PLXNA4: variants seen among roughly 807,000 people sequenced by gnomAD.
The protein encoded by PLXNA4 is plexin A4, also known as plexin-A4.
Under a neutral mutation model 191.8 loss-of-function variants are expected in PLXNA4, and 44 were observed. That is an observed-to-expected ratio of 0.23 (90% CI 0.18 to 0.29). The LOEUF is 0.29. Ranked by LOEUF, PLXNA4 falls within the 10% of genes least tolerant of loss-of-function variation. The pLI is 1.00. For missense variants in PLXNA4, 1,800 were observed against 2,488.8 expected, an observed-to-expected ratio of 0.72 and a Z score of 5.89; for synonymous variants, 1,082 against 1,009.5, an observed-to-expected ratio of 1.07 and a Z score of -1.36.
At chr7:132,472,337 T>C (rs1159155203) in intron 3 of PLXNA4, among the ~76,000 whole-genome samples, 8 of 152,240 alleles carry the variant, frequency 5.3e-5, no homozygotes, top group African/African-American at 1.9e-4. Flanking sequence ...CTCTGGTCAG[T>C]TGCACAAGAG....
Position 132,599,813 on chromosome 7 carries a change from T to G in PLXNA4, c.-87+46115A>C, listed in dbSNP as rs549831767. 1.1e-4 allele frequency among the ~76,000 whole-genome samples: 16 copies of G among 152,282 alleles called. No homozygotes were observed. In the South Asian group the frequency reaches 3.3e-3, roughly 32 times the overall value. On this transcript the variant is annotated intron_variant, in intron 2 of 4. Transcript: ENST00000378539. ...AATTTTTTTCAATAAAGATAATGTT[T>G]ACTTTTTCTTTTTTGGTGTATTTTT...
At chr7:132,550,900 C>T (rs1046692771) in intron 1 of PLXNA4, among the ~76,000 whole-genome samples, 6 of 152,220 alleles carry the variant, frequency 3.9e-5, no homozygotes, top group South Asian at 2.1e-4. Flanking sequence ...GTCCCATAGA[C>T]ACTTCAAACC....
intron 3 of PLXNA4, among the ~76,000 whole-genome samples, chr7:132,320,502 G>A (rs1308586070): frequency 6.6e-6 from 1 of 152,208 alleles, no homozygotes; most frequent in Admixed American, 6.5e-5. Flanking sequence ...ACATGCACAA[G>A]TATCAGAAGT....
In PLXNA4 at chr7:132,194,726, T is replaced by C. The variant is rs185182224; in HGVS notation, c.2739-547A>G. Among the ~76,000 whole-genome samples, 4 of 152,302 alleles carry C rather than the reference T, an allele frequency of 2.6e-5. No homozygotes were observed. The East Asian group carries it at 7.7e-4, about 29-fold the overall frequency. On this transcript the variant is annotated intron_variant, in intron 13 of 31. Transcript: ENST00000321063. Reference sequence around the variant, plus strand: ...GTGTGTGTGTATGTGTGTGTATGCGTGTGTGAACTTTTTCCTTTCTAAAAA... The same window carrying C: ...GTGTGTGTGTATGTGTGTGTATGCGCGTGTGAACTTTTTCCTTTCTAAAAA...
At chr7:132,483,231 C>T (rs751601879) in intron 3 of PLXNA4, among the ~76,000 whole-genome samples, 3 of 152,148 alleles carry the variant, frequency 2.0e-5, no homozygotes, top group Admixed American at 6.6e-5. Context: ...TAGCAATTGC[C>T]GGTAACAAAG....
chr7:132,236,777 A>T (rs1411367568), intron 5 of PLXNA4, among the ~76,000 whole-genome samples: 1 of 152,152 alleles, frequency 6.6e-6, no homozygotes, highest in Non-Finnish European at 1.5e-5. Flanking sequence ...CTCCCTTCCT[A>T]GAAAATGGAT....
chr7:132,134,242 CCTT>C lies in PLXNA4; in HGVS notation c.5439-1046_5439-1044del, dbSNP rs1337490938. On this transcript the variant is annotated intron_variant, in intron 30 of 31. Transcript: ENST00000321063. Reference sequence around the variant, plus strand: ...TTGGTCAGAGGCTCCGGGACAGTCTCCTTCTGCACCCCAGCCCTGTGTCTTTCC... The same window carrying C: ...TTGGTCAGAGGCTCCGGGACAGTCTCCTGCACCCCAGCCCTGTGTCTTTCC... Among the ~76,000 whole-genome samples the C allele has an allele frequency of 2.6e-5, 4 of 152,324 alleles. No individual in the cohort carries two copies. In the East Asian group the frequency reaches 7.7e-4, roughly 29 times the overall value.
rs571439647 is a variant in PLXNA4, at chr7:132,182,306, A to G, written c.3159-116T>C. On this transcript the variant is annotated intron_variant, in intron 16 of 31. Coordinates refer to ENST00000321063, the MANE Select transcript of PLXNA4 (RefSeq NM_020911.2). Reference sequence around the variant, plus strand: ...ACAGTGATAACTAGGCAGCAGGGTAATGTTCATGGGGACAAGGATGACAAG... The same window carrying G: ...ACAGTGATAACTAGGCAGCAGGGTAGTGTTCATGGGGACAAGGATGACAAG... The G allele has an allele frequency of 4.1e-6, 6 of 1,478,016 alleles. No homozygotes were observed. In the South Asian group the frequency reaches 8.2e-5, roughly 20 times the overall value. The allele number at this position is 1,478,016 out of a possible 1,614,324, so 91.6% of individuals were successfully genotyped here. A position where few individuals can be genotyped will look rare whatever the true frequency, so the allele number is the denominator to read the frequency against.
chr7:132,373,004 A>C (rs1804508391), intron 3 of PLXNA4, among the ~76,000 whole-genome samples: 1 of 152,224 alleles, frequency 6.6e-6, no homozygotes, highest in Non-Finnish European at 1.5e-5. Flanking sequence ...CCAAACATTT[A>C]TTACTTACTA....
chr7:132,444,162 C>T (rs557322183), intron 3 of PLXNA4, among the ~76,000 whole-genome samples: 9 of 152,258 alleles, frequency 5.9e-5, no homozygotes, highest in Non-Finnish European at 1.2e-4. Context: ...ACACTTACTC[C>T]TGTCCTTCAA....
chr7:132,133,022 A>G (rs369468048), intron 31 of PLXNA4, 27 bp downstream of exon 31: 16 of 1,605,246 alleles, frequency 1.0e-5, no homozygotes, highest in African/African-American at 4.0e-5. Context: ...TTCCATCCCA[A>G]TGGGCCTGGA....
At chr7:132,632,210 T>C (rs1287175500) in intron 2 of PLXNA4, among the ~76,000 whole-genome samples, 3 of 111,954 alleles carry the variant, frequency 2.7e-5, no homozygotes, top group African/African-American at 1.1e-4. Flanking sequence ...CACTCCAGCC[T>C]AAGCAACAGA....
rs536815671 is a variant in PLXNA4 at position 132,570,061 on chromosome 7, A to G, written c.-87+6361T>C. Among the ~76,000 whole-genome samples, 7 of 152,344 alleles carry G rather than the reference A, an allele frequency of 4.6e-5. No individual in the cohort carries two copies. The South Asian group carries it at 8.3e-4, about 18-fold the overall frequency. ...AGTTTATATACTTTTGTGATTTCAC[A>G]ATCCATGTGAGTGTATTAAAGGCTC... On this transcript the variant is annotated intron_variant, in intron 1 of 31. Coordinates refer to ENST00000321063, the MANE Select transcript of PLXNA4 (RefSeq NM_020911.2).
At chr7:132,238,152 G>T (rs187422963) in intron 5 of PLXNA4, among the ~76,000 whole-genome samples, 29 of 152,286 alleles carry the variant, frequency 1.9e-4, no homozygotes, top group Admixed American at 5.9e-4. Context: ...CCTTGTTCAG[G>T]TATGTGTTAT....
At chr7:132,618,699 G>C (rs943302644) in intron 2 of PLXNA4, among the ~76,000 whole-genome samples, 1 of 152,176 alleles carries the variant, frequency 6.6e-6, no homozygotes, top group Admixed American at 6.5e-5. Flanking sequence ...GAAGGTTTAT[G>C]TTGGGAGGAC....
intron 13 of PLXNA4, 86 bp from the exon 14 acceptor site, chr7:132,194,265 C>G: frequency 6.7e-7 from 1 of 1,498,496 alleles, no homozygotes; most frequent in South Asian, 1.4e-5. Flanking sequence ...AGGTCCCTTT[C>G]TCCACAGTAG....
At chr7:132,195,031 C>T (rs1362472754) in intron 13 of PLXNA4, among the ~76,000 whole-genome samples, 1 of 151,964 alleles carries the variant, frequency 6.6e-6, no homozygotes, top group South Asian at 2.1e-4. Context: ...TTGCCCAATA[C>T]ATATATTTGC....
intron 4 of PLXNA4, 69 bp downstream of exon 4, chr7:132,298,022 G>T (rs1314808988): frequency 1.3e-6 from 2 of 1,597,442 alleles, no homozygotes; most frequent in Non-Finnish European, 1.7e-6. Context: ...GCCTCCTAAG[G>T]TTTGTACTGA....
chr7:132,581,116 C>G (rs972170404), upstream of PLXNA4, among the ~76,000 whole-genome samples: 10 of 152,210 alleles, frequency 6.6e-5, no homozygotes, highest in Non-Finnish European at 1.5e-4. Context: ...TCAAGATTCT[C>G]AGTCCATTCA....
Sources: gnomAD v4.1 joint callset for allele counts (sites outside exome capture counted in the v4.1 genomes callset) on GRCh38, gnomAD v4.1.1 for gene constraint, MANE v1.5 for transcripts, NCBI Gene and HGNC (gene_info 2026-07-23, HGNC 2026-07-21) for gene names.